The following PKMYT1 variants were observed in gnomAD, a reference collection of about 807,000 sequenced individuals.
PKMYT1 encodes membrane-associated tyrosine- and threonine-specific cdc2-inhibitory kinase.
Under a neutral mutation model 49.7 loss-of-function variants are expected in PKMYT1, and 35 were observed. The observed-to-expected ratio is 0.70, with a 90% CI of 0.54 to 0.93. PKMYT1 has a LOEUF of 0.93. PKMYT1 is among the 40% of genes least tolerant of loss of function. PKMYT1 has a pLI of 0.00. For synonymous variants in PKMYT1, 331 were observed against 287.6 expected (o/e 1.15, Z -1.53); for missense variants, 677 against 673.1 (o/e 1.01, Z -0.06).
At position 2,975,340 on chromosome 16, in the gene PKMYT1, C is replaced by T; in HGVS notation, c.851G>A (p.Gly284Glu). ...CCACCTGAACACATCCGCTGCTGTC[C>T]CATAGGAGCCCTGCAGCAGCTCGGG... ...MAPELLQGSY[G>E]TAADVFSLGL... is the part of the protein sequence containing the mutation. Residue 284 changes from glycine to glutamate, a missense_variant, in exon 4 of 9, where the codon GGG (glycine) becomes GAG (glutamate). Coordinates refer to ENST00000262300, the MANE Select transcript of PKMYT1 (RefSeq NM_004203.5). The T allele has an allele frequency of 6.2e-7, 1 of 1,612,576 alleles. No individual in the cohort carries two copies. Among genetic ancestry groups the T allele is most frequent in the South Asian group, 1.1e-5 (1 of 91,050 alleles).
intron 2 of PKMYT1, 125 bp downstream of exon 2, chr16:2,979,523 G>C: frequency 3.9e-6 from 3 of 775,518 alleles, no homozygotes; most frequent in East Asian, 2.6e-5. Context: ...TCAGGAGCCA[G>C]GGTGTTGGGA....
chr16:2,973,614 T>A, intron 7 of PKMYT1: 1 of 476,480 alleles, frequency 2.1e-6, no homozygotes, highest in Non-Finnish European at 3.6e-6. Context: ...AATTACAGCC[T>A]CTCACTCAAG....
intron 2 of PKMYT1, chr16:2,977,430 A>G (rs2072229328): frequency 9.9e-7 from 1 of 1,005,560 alleles, no homozygotes; most frequent in Non-Finnish European, 1.2e-6. Context: ...CTTATCTCCA[A>G]TTCCAAAGTG....
chr16:2,978,872 T>C (rs2072268337), intron 2 of PKMYT1, among the ~76,000 whole-genome samples: 1 of 151,014 alleles, frequency 6.6e-6, no homozygotes, highest in African/African-American at 2.4e-5. Flanking sequence ...AGTGGTATGA[T>C]CTCGGCCCAC....
Position 2,975,651 on chromosome 16 carries a change from G to T in PKMYT1, c.540C>A (p.Gly180=), listed in dbSNP as rs756739717. ...GCTCCGTCTGCAGGTACAGGATGCC[G>T]CCCTCCTCCCAGGCCTGCTCCAGCC... The part of the protein sequence containing the change: ...CVRLEQAWEE[G]GILYLQTELC... The change falls in exon 4 of 9, where the codon GGC becomes GGA. Residue 180 remains glycine (G), a synonymous_variant. Transcript: ENST00000262300. 3.0e-5 allele frequency: 48 copies of T among 1,611,126 alleles called. No individual in the cohort carries two copies. Among genetic ancestry groups the T allele is most frequent in the Non-Finnish European group, 3.9e-5 (46 of 1,179,772 alleles).
chr16:2,973,730 G>A, intron 7 of PKMYT1: 1 of 552,650 alleles, frequency 1.8e-6, no homozygotes, highest in Non-Finnish European at 3.2e-6. Context: ...CTGGGCACTG[G>A]CAGCCTCCAC....
At chr16:2,974,910 G>A (rs1017491576) in intron 4 of PKMYT1, 10 of 570,668 alleles carry the variant, frequency 1.8e-5, no homozygotes, top group African/African-American at 1.3e-4. Flanking sequence ...GTGCCCTGAT[G>A]GACAGGCACC....
chr16:2,979,278 G>T (rs866504278), intron 2 of PKMYT1, among the ~76,000 whole-genome samples: 1 of 152,174 alleles, frequency 6.6e-6, no homozygotes, highest in African/African-American at 2.4e-5. Context: ...AAGTTGCGGT[G>T]AGCCGAGATT....
rs1596453667 is a variant in PKMYT1 at position 2,976,886 on chromosome 16, T to G, written c.156A>C (p.Pro52=). 6.5e-7 allele frequency: 1 copy of G among 1,533,416 alleles called. No individual in the cohort carries two copies. Among genetic ancestry groups the G allele is most frequent in the Non-Finnish European group, 8.8e-7 (1 of 1,134,268 alleles). The allele number at this position is 1,533,416 out of a possible 1,614,324, so 95.0% of individuals were successfully genotyped here. ...KRPRGLSRSL[P]PPPPAKGSIP... is the part of the protein sequence containing the mutation. Reference sequence around the variant, plus strand: ...TGCTGCCCTTGGCAGGGGGCGGAGGTGGGAGGCTCCGGCTGAGCCCCCTGG... The same window carrying G: ...TGCTGCCCTTGGCAGGGGGCGGAGGGGGGAGGCTCCGGCTGAGCCCCCTGG... The change falls in exon 3 of 9, where the codon CCA becomes CCC. Residue 52 remains proline (P), a synonymous_variant. Transcript: ENST00000262300.
Position 2,975,781 on chromosome 16 carries a change from G to A in PKMYT1, c.410C>T (p.Ala137Val), listed in dbSNP as rs772419573. 10 of 1,597,786 alleles carry A rather than the reference G, an allele frequency of 6.3e-6. No homozygotes were observed. Among genetic ancestry groups the A allele is most frequent in the South Asian group, 2.2e-5 (2 of 90,954 alleles). ...GAATGGTGACATGGAACGCTTTACC[G>A]CATAGAGCCGGCCGTCCTCCTTGGA... ...VRSKEDGRLY[A>V]VKRSMSPFRG... The change falls in exon 4 of 9, where the codon GCG (alanine) becomes GTG (valine). Residue 137 changes from alanine (A) to valine (V), a missense_variant. Ala to Val is a moderately conservative substitution (Grantham distance 64). Transcript: ENST00000262300.
intron 2 of PKMYT1, 126 bp downstream of exon 2, chr16:2,979,522 A>G: frequency 1.3e-6 from 1 of 768,824 alleles, no homozygotes; most frequent in Non-Finnish European, 2.3e-6. Flanking sequence ...GTCAGGAGCC[A>G]GGGTGTTGGG....
intron 7 of PKMYT1, 138 bp downstream of exon 7, chr16:2,973,862 C>CA: frequency 1.0e-6 from 1 of 956,360 alleles, no homozygotes; most frequent in Non-Finnish European, 1.6e-6. Flanking sequence ...CACACACCCC[C>CA]AGTCTTGGTC....
chr16:2,973,588 G>C (rs2072079584), intron 7 of PKMYT1: 1 of 593,292 alleles, frequency 1.7e-6, no homozygotes, highest in Non-Finnish European at 2.7e-6. Context: ...TGTCTGCCCT[G>C]AGCGTGTGGT....
At chr16:2,976,606 G>A in intron 3 of PKMYT1, 58 bp downstream of exon 3, 12 of 1,406,788 alleles carry the variant, frequency 8.5e-6, no homozygotes, top group Non-Finnish European at 1.1e-5. Context: ...TGCCAAGGGA[G>A]GTGCAGAAAC....
intron 7 of PKMYT1, 57 bp downstream of exon 7, chr16:2,973,943 C>T: frequency 6.5e-7 from 1 of 1,549,338 alleles, no homozygotes; most frequent in Non-Finnish European, 8.8e-7. Context: ...CTCCATGGAG[C>T]CCCGGTGATA....
At chr16:2,976,004 G>T (rs1337751680) in intron 3 of PKMYT1, 192 bp from the exon 4 acceptor site, 3 of 637,470 alleles carry the variant, frequency 4.7e-6, no homozygotes, top group African/African-American at 1.8e-5. Context: ...GGCTGGGTCT[G>T]TGGAGACCCA....
rs779914335 is a variant in PKMYT1 at position 2,973,230 on chromosome 16, G to C, written c.1311-15C>G. The stretch of plus-strand genomic sequence containing the variant: ...AGAGTGAAGGCCTGCAGGAGGGCAG[G>C]CGAGACAAGGAGGGTGTCCAGGGCT... On this transcript the variant is annotated splice_polypyrimidine_tract_variant and intron_variant, in intron 7 of 8. Coordinates refer to ENST00000262300, the MANE Select transcript of PKMYT1 (RefSeq NM_004203.5). The C allele has an allele frequency of 6.7e-7, 1 of 1,486,220 alleles. No individual in the cohort carries two copies. The highest frequency in any genetic ancestry group is 1.4e-5 in the African/African-American group (1 of 71,814). 92.1% of individuals were successfully genotyped at this position (1,486,220 alleles called of 1,614,324 possible). A position where few individuals can be genotyped will look rare whatever the true frequency, so the allele number is the denominator to read the frequency against.
chr16:2,974,527 C>T, intron 5 of PKMYT1, 23 bp downstream of exon 5: 1 of 1,536,082 alleles, frequency 6.5e-7, no homozygotes, highest in Non-Finnish European at 8.8e-7. Context: ...TGGCAGCACC[C>T]CCTCCCGCCC....
At chr16:2,978,422 C>T (rs965031045) in intron 2 of PKMYT1, among the ~76,000 whole-genome samples, 1 of 152,100 alleles carries the variant, frequency 6.6e-6, no homozygotes, top group Non-Finnish European at 1.5e-5. Context: ...CCTCACTGAC[C>T]TCAAAAGCCA....
Sources: gnomAD v4.1 joint callset for allele counts (sites outside exome capture counted in the v4.1 genomes callset) on GRCh38, gnomAD v4.1.1 for gene constraint, MANE v1.5 for transcripts, NCBI Gene and HGNC (gene_info 2026-07-23, HGNC 2026-07-21) for gene names.